The following BRF1 variants were observed in gnomAD, a reference collection of about 807,000 sequenced individuals.
The protein encoded by BRF1 is transcription factor IIIB 90 kDa subunit.
In BRF1, 59 loss-of-function variants were observed where a neutral mutation model predicts 81.7. That is an observed-to-expected ratio of 0.72 (90% CI 0.59 to 0.90). The LOEUF (loss-of-function observed/expected upper bound fraction) is 0.90, where lower values mean the gene tolerates loss of function less well. BRF1 is among the 40% of genes least tolerant of loss of function. The pLI is 0.00. For synonymous variants in BRF1, 491 were observed against 395.6 expected, an observed-to-expected ratio of 1.24 and a Z score of -2.86; for missense variants, 1,050 against 936.3, an observed-to-expected ratio of 1.12 and a Z score of -1.58.
At chr14:105,218,849 G>C in intron 14 of BRF1, 149 bp downstream of exon 14, 4 of 1,118,666 alleles carry the variant, frequency 3.6e-6, no homozygotes, top group Non-Finnish European at 5.2e-6. Flanking sequence ...TTAAGGACGT[G>C]GGTCTGGGGT....
intron 4 of BRF1, among the ~76,000 whole-genome samples, chr14:105,254,548 C>T (rs1028425369): frequency 6.6e-6 from 1 of 151,324 alleles, no homozygotes; most frequent in Non-Finnish European, 1.5e-5. Flanking sequence ...TGAGCCACCG[C>T]ACCTGGCCGC....
At chr14:105,214,469 C>T (rs963968836) in intron 15 of BRF1, among the ~76,000 whole-genome samples, 34 of 148,182 alleles carry the variant, frequency 2.3e-4, no homozygotes, top group Non-Finnish European at 4.5e-4. Context: ...GCTGCCCACA[C>T]CCCTGCGTGG....
At chr14:105,246,504 C>T (rs587741236) in intron 5 of BRF1, among the ~76,000 whole-genome samples, 6 of 152,196 alleles carry the variant, frequency 3.9e-5, no homozygotes, top group African/African-American at 1.4e-4. Context: ...GAGTCTCGCT[C>T]TGTCATCCAG....
intron 3 of BRF1, among the ~76,000 whole-genome samples, chr14:105,267,810 G>A (rs951553762): frequency 6.6e-6 from 1 of 152,198 alleles, no homozygotes; most frequent in African/African-American, 2.4e-5. Context: ...AGAGAAGTGT[G>A]GGCTCTGAAA....
rs2141331591 is a variant in BRF1, at chr14:105,210,143, A to G, written c.*408T>C. 1 of 245,928 alleles carries G rather than the reference A, an allele frequency of 4.1e-6. No homozygotes were observed. Among genetic ancestry groups the G allele is most frequent in the Non-Finnish European group, 7.9e-6 (1 of 126,976 alleles). 15.2% of individuals were successfully genotyped at this position (245,928 alleles called of 1,614,324 possible). A position where few individuals can be genotyped will look rare whatever the true frequency, so the allele number is the denominator to read the frequency against. Reference sequence around the variant, plus strand: ...GGGGACGGTGCGGAGGGTGGGCTGGAGACTCCAGAGCTGGTCCTGAGTCAC... The same window carrying G: ...GGGGACGGTGCGGAGGGTGGGCTGGGGACTCCAGAGCTGGTCCTGAGTCAC... On this transcript the variant is annotated 3_prime_UTR_variant, in exon 18 of 18. Coordinates refer to ENST00000547530, the MANE Select transcript of BRF1 (RefSeq NM_001519.4). This position sits in a 1 kb window ranked among gnomAD's most constrained non-coding sequence, Gnocchi z 4.7.
chr14:105,214,694 C>T (rs1890788808), intron 15 of BRF1, among the ~76,000 whole-genome samples: 2 of 152,208 alleles, frequency 1.3e-5, no homozygotes, highest in South Asian at 4.1e-4. Context: ...AGGCTGGTTC[C>T]CCCACAGCAA....
intron 5 of BRF1, chr14:105,248,630 G>A (rs2055328603): frequency 1.0e-5 from 10 of 979,046 alleles, no homozygotes; most frequent in Non-Finnish European, 1.2e-5. Context: ...GCTGCGCTAG[G>A]CTGGGCTCGG....
chr14:105,285,328 A>G (rs1266111792), intron 2 of BRF1, among the ~76,000 whole-genome samples: 1 of 152,252 alleles, frequency 6.6e-6, no homozygotes, highest in Non-Finnish European at 1.5e-5. Context: ...GCAGTCACTA[A>G]GCCAAACTGA....
Position 105,309,074 on chromosome 14 carries a change from G to A in BRF1, c.-162+6248C>T, listed in dbSNP as rs1285800997. Among the ~76,000 whole-genome samples, 1 of 152,196 alleles carries A rather than the reference G, an allele frequency of 6.6e-6. No homozygotes were observed. Among genetic ancestry groups the A allele is most frequent in the Non-Finnish European group, 1.5e-5 (1 of 68,032 alleles). The stretch of plus-strand genomic sequence containing the variant: ...TGAGGTTGAGTGTTGGTTGACACGT[G>A]TTGCGGTAATTGCTGTTCTGATGTC... On this transcript the variant is annotated intron_variant, in intron 1 of 17. Coordinates refer to the BRF1 transcript ENST00000327359. The surrounding 1 kb of genome is among the most constrained non-coding windows in gnomAD (Gnocchi z 4.0).
intron 1 of BRF1, among the ~76,000 whole-genome samples, chr14:105,298,450 C>T (rs370607916): frequency 6.6e-6 from 1 of 152,290 alleles, no homozygotes; most frequent in African/African-American, 2.4e-5. Context: ...TGAGCACAGC[C>T]GAGGGAGCAA....
At chr14:105,241,084 G>T (rs1299789500) in intron 6 of BRF1, among the ~76,000 whole-genome samples, 181 bp downstream of exon 6, 1 of 152,234 alleles carries the variant, frequency 6.6e-6, no homozygotes, top group African/African-American at 2.4e-5. Context: ...CAACGGGGCA[G>T]CCAGGAGGTC....
At chr14:105,255,225 G>A (rs2055812799) in intron 4 of BRF1, among the ~76,000 whole-genome samples, 1 of 152,368 alleles carries the variant, frequency 6.6e-6, no homozygotes, top group Non-Finnish European at 1.5e-5. Context: ...GAAGTCGTGG[G>A]GTTGGAACCA....
rs144122079 is a variant in BRF1 at position 105,220,275 on chromosome 14, CCT to C, written c.1316-147_1316-146del. The C allele has an allele frequency of 8.4e-3, 6,722 of 797,844 alleles. 203 individuals are homozygous for C. Among genetic ancestry groups the C allele is most frequent in the Admixed American group, 0.072 (3,298 of 45,712 alleles). 49.4% of individuals were successfully genotyped at this position (797,844 alleles called of 1,614,324 possible). On this transcript the variant is annotated intron_variant, in intron 11 of 17. Transcript: ENST00000547530. The stretch of plus-strand genomic sequence containing the variant: ...CCTCCTCTGCACTGGTGGGTCGCGC[CCT>C]GTCTGCCCACATGACCGCACCTCTT...
At chr14:105,229,642 GCGGGGGACAGCCTGGCAGCCC>G (rs1566819931) in intron 6 of BRF1, among the ~76,000 whole-genome samples, 2 of 151,042 alleles carry the variant, frequency 1.3e-5, no homozygotes. Flanking sequence ...CCAGCTGGGG[GCGGGGGACAGCCTGGCAGCCC>G]CGTGGCACCC....
At chr14:105,215,354 GCA>G (rs1046545373) in intron 15 of BRF1, among the ~76,000 whole-genome samples, 1 of 149,352 alleles carries the variant, frequency 6.7e-6, no homozygotes. Flanking sequence ...CACACTGCAT[GCA>G]CAGAGAGACA....
At chr14:105,221,108 G>A (rs1413403965) in intron 11 of BRF1, among the ~76,000 whole-genome samples, 1 of 152,262 alleles carries the variant, frequency 6.6e-6, no homozygotes, top group Non-Finnish European at 1.5e-5. Context: ...AGCGTTGCAG[G>A]AAGGTCTAGG....
chr14:105,290,159 C>T (rs1023217530), intron 1 of BRF1, among the ~76,000 whole-genome samples: 1 of 152,146 alleles, frequency 6.6e-6, no homozygotes, highest in Non-Finnish European at 1.5e-5. Context: ...GTGGCTCACG[C>T]CTATAACCCC....
intron 4 of BRF1, among the ~76,000 whole-genome samples, chr14:105,255,338 G>C (rs78044297): frequency 0.033 from 5,058 of 152,356 alleles, 226 homozygotes; most frequent in African/African-American, 0.099. Context: ...ACCACAAAAT[G>C]TTTCAGCAGT....
At chr14:105,217,935 TC>T in intron 14 of BRF1, 135 bp from the exon 15 acceptor site, 3 of 1,377,650 alleles carry the variant, frequency 2.2e-6, no homozygotes, top group Non-Finnish European at 2.9e-6. Flanking sequence ...TCCTGCCTCC[TC>T]CCCCCAGAAT....
Sources: gnomAD v4.1 joint callset for allele counts (sites outside exome capture counted in the v4.1 genomes callset) on GRCh38, gnomAD v4.1.1 for gene constraint, Gnocchi (gnomAD v3.1) non-coding constraint, MANE v1.5 for transcripts, NCBI Gene and HGNC (gene_info 2026-07-23, HGNC 2026-07-21) for gene names.